Variants in CPLANE1 observed in about 807,000 individuals in gnomAD.
The protein encoded by CPLANE1 is ciliogenesis and planar polarity effector 1.
Under a neutral mutation model 362.5 loss-of-function variants are expected in CPLANE1, and 263 were observed. The ratio of observed to expected loss-of-function variants is 0.73; its 90% CI spans 0.66 to 0.80. The LOEUF is 0.80. Among genes scored for constraint, CPLANE1 ranks in the 30% least tolerant of loss-of-function variants. The pLI is 0.00. For synonymous variants in CPLANE1, 1,212 were observed against 1,302.6 expected, an observed-to-expected ratio of 0.93 and a Z score of 1.50; for missense variants, 3,461 against 3,793.4, an observed-to-expected ratio of 0.91 and a Z score of 2.30.
intron 16 of CPLANE1, chr5:37,211,503 A>T: frequency 2.2e-6 from 3 of 1,357,810 alleles, no homozygotes; most frequent in Non-Finnish European, 3.1e-6. Flanking sequence ...AAGGAATGAC[A>T]TCTTGGAAGC....
chr5:37,215,739 C>CTTTTTTTTTTT (rs567527656), intron 15 of CPLANE1, among the ~76,000 whole-genome samples: 36 of 95,182 alleles, frequency 3.8e-4, no homozygotes, highest in Non-Finnish European at 5.8e-4. Context: ...CTTCTCTTTC[C>CTTTTTTTTTTT]TTTTTTTTTT....
At chr5:37,211,346 CAAAG>C in intron 16 of CPLANE1, 1 of 1,511,900 alleles carries the variant, frequency 6.6e-7, no homozygotes. Context: ...AAAACTCTGC[CAAAG>C]GCCCACTACC....
intron 16 of CPLANE1, chr5:37,210,148 T>C: frequency 1.9e-6 from 2 of 1,059,864 alleles, no homozygotes. Flanking sequence ...GCCCTTGTTA[T>C]TCGGGAAAAG....
Position 37,121,767 on chromosome 5 carries a change from T to A in CPLANE1, c.9035A>T (p.His3012Leu), listed in dbSNP as rs753593935. The A allele has an allele frequency of 1.2e-6, 2 of 1,613,708 alleles. No homozygotes were observed. Among genetic ancestry groups the A allele is most frequent in the Non-Finnish European group, 1.7e-6 (2 of 1,179,786 alleles). The stretch of plus-strand genomic sequence containing the variant: ...CGCTTGTGAGATTCGACGACTATAG[T>A]GTTCAGAGAGCAGCAATCTGTAGAC... Reference protein sequence around the residue: ...HEKDRLLLSEHYSRRISQAYG... With the variant: ...HEKDRLLLSELYSRRISQAYG... Residue 3012 changes from histidine (H) to leucine (L), a missense_variant, in exon 49 of 53, where the codon CAC becomes CTC. His to Leu is a moderately conservative substitution (Grantham distance 99). Around this residue, in one of 2 missense-constraint regions of CPLANE1, gnomAD observed 3,380 missense variants for 3,666.1 expected, o/e 0.92. Coordinates refer to ENST00000651892, the MANE Select transcript of CPLANE1 (RefSeq NM_001384732.1).
chr5:37,131,011 G>A (rs1765606557), intron 46 of CPLANE1, among the ~76,000 whole-genome samples: 1 of 152,178 alleles, frequency 6.6e-6, no homozygotes, highest in South Asian at 2.1e-4. Flanking sequence ...ATGTCTGTCT[G>A]GATAGAAGAA....
Position 37,216,987 on chromosome 5 carries a change from T to C in CPLANE1, c.2747-3255A>G, listed in dbSNP as rs143056101. ...TAAAGAAAATAATGTTAATTAATGT[T>C]ACCTGGTTTCTTTTTTTAAACAAAA... On this transcript the variant is annotated intron_variant, in intron 15 of 52. Transcript: ENST00000651892. 1.6e-4 allele frequency among the ~76,000 whole-genome samples: 24 copies of C among 152,310 alleles called. No homozygotes were observed. The East Asian group carries it at 4.6e-3, about 29-fold the overall frequency.
intron 44 of CPLANE1, 79 bp downstream of exon 44, chr5:37,142,231 A>G (rs1199412940): frequency 1.5e-6 from 2 of 1,369,956 alleles, no homozygotes; most frequent in Non-Finnish European, 1.9e-6. Context: ...TTTCATAACT[A>G]TATTCCCAGT....
chr5:37,179,296 A>G, intron 29 of CPLANE1, 65 bp downstream of exon 29: 1 of 1,014,860 alleles, frequency 9.9e-7, no homozygotes, highest in Non-Finnish European at 1.5e-6. Flanking sequence ...GAATAAAAAC[A>G]TGTATAATTT....
intron 46 of CPLANE1, 120 bp downstream of exon 46, chr5:37,138,600 A>C: frequency 1.8e-6 from 2 of 1,125,320 alleles, no homozygotes; most frequent in East Asian, 4.8e-5. Flanking sequence ...ACATGAAAAA[A>C]AAATCTATTC....
chr5:37,141,177 T>G, intron 44 of CPLANE1: 1 of 985,362 alleles, frequency 1.0e-6, no homozygotes, highest in Non-Finnish European at 1.2e-6. Context: ...TCCTCAGTGG[T>G]CTCTATGCCT....
chr5:37,173,179 A>C (rs1320829606), intron 32 of CPLANE1, among the ~76,000 whole-genome samples: 2 of 152,210 alleles, frequency 1.3e-5, no homozygotes, highest in Admixed American at 1.3e-4. Flanking sequence ...ACAGAAAAAA[A>C]GGATAGCCAG....
At chr5:37,245,625 T>C (rs1739379556) in intron 3 of CPLANE1, 27 bp from the exon 4 acceptor site, 1 of 1,502,466 alleles carries the variant, frequency 6.7e-7, no homozygotes, top group African/African-American at 1.4e-5. Context: ...AATGCAATAC[T>C]TACAATCTAG....
rs537920860 is a variant in CPLANE1, at chr5:37,241,406, G to A, written c.678-1537C>T. ...GGAGGCAGAAGTTGCAGTGAGCCAA[G>A]ATTGCACCACCACACTCCAACCTGG... On this transcript the variant is annotated intron_variant, in intron 6 of 52. Transcript: ENST00000651892. 1.2e-4 allele frequency among the ~76,000 whole-genome samples: 18 copies of A among 152,234 alleles called. 1 individual carries two copies. In the South Asian group the frequency reaches 3.7e-3, roughly 32 times the overall value.
intron 30 of CPLANE1, among the ~76,000 whole-genome samples, 180 bp downstream of exon 30, chr5:37,177,441 A>G (rs548198557): frequency 4.6e-5 from 7 of 152,358 alleles, no homozygotes; most frequent in Non-Finnish European, 8.8e-5. Flanking sequence ...TCACTCTATC[A>G]ATACATAGAA....
chr5:37,198,623 T>C, intron 20 of CPLANE1, 79 bp downstream of exon 20: 1 of 1,374,700 alleles, frequency 7.3e-7, no homozygotes, highest in Non-Finnish European at 9.9e-7. Context: ...TGGGAAAATA[T>C]AACAATTATA....
chr5:37,093,737 C>T, the CPLANE1 span, among the ~76,000 whole-genome samples: 2 of 152,162 alleles, frequency 1.3e-5, no homozygotes, highest in African/African-American at 4.8e-5. Flanking sequence ...ATCAATAAGA[C>T]CCAATGCAGA....
chr5:37,169,511 C>A lies in CPLANE1; in HGVS notation c.6513G>T (p.Arg2171=). The change falls in exon 34 of 53, where the codon CGG becomes CGT. Residue 2171 remains arginine (R), a synonymous_variant. Coordinates refer to ENST00000651892, the MANE Select transcript of CPLANE1 (RefSeq NM_001384732.1). ...IPLCQLNGQP[R]KKGPIPSSQN... ...GAGATGATGGAATTGGTCCTTTTTT[C>A]CGGGGCTGGCCATTTAATTGACATA... The A allele has an allele frequency of 1.2e-6, 2 of 1,613,514 alleles. No homozygotes were observed. Among genetic ancestry groups the A allele is most frequent in the Non-Finnish European group, 1.7e-6 (2 of 1,179,810 alleles).
At chr5:37,238,716 C>A in intron 8 of CPLANE1, 141 bp downstream of exon 8, 1 of 439,654 alleles carries the variant, frequency 2.3e-6, no homozygotes, top group Non-Finnish European at 4.1e-6. Flanking sequence ...CCAAGCTGGT[C>A]TCAAACTCCT....
At chr5:37,157,958 A>G in intron 39 of CPLANE1, 90 bp from the exon 40 acceptor site, 1 of 762,518 alleles carries the variant, frequency 1.3e-6, no homozygotes, top group Non-Finnish European at 1.9e-6. Flanking sequence ...AAAAAAAAAA[A>G]GGCTTAATTC....
Sources: allele counts gnomAD v4.1 joint callset (sites outside exome capture counted in the v4.1 genomes callset), GRCh38; gene constraint gnomAD v4.1.1; regional missense constraint gnomAD v4.1.1; transcripts MANE v1.5; gene names NCBI Gene and HGNC (gene_info 2026-07-23, HGNC 2026-07-21).